CACNA2D3: variants seen among roughly 807,000 people sequenced by gnomAD.
CACNA2D3 encodes the protein calcium voltage-gated channel auxiliary subunit alpha2delta 3, also known as voltage-dependent calcium channel subunit alpha-2/delta-3.
Under a neutral mutation model 160.6 loss-of-function variants are expected in CACNA2D3, and 60 were observed. The ratio of observed to expected loss-of-function variants is 0.37; its 90% confidence interval spans 0.30 to 0.46. The LOEUF (loss-of-function observed/expected upper bound fraction) is 0.46. CACNA2D3 is among the 20% of genes least tolerant of loss of function. The pLI is 1.00. For synonymous variants in CACNA2D3, 558 were observed against 492.9 expected, an observed-to-expected ratio of 1.13 and a Z score of -1.75; for missense variants, 1,205 against 1,365.0, an observed-to-expected ratio of 0.88 and a Z score of 1.85.
At chr3:54,612,193 G>C (rs957982995) in intron 9 of CACNA2D3, among the ~76,000 whole-genome samples, 1 of 152,170 alleles carries the variant, frequency 6.6e-6, no homozygotes, top group African/African-American at 2.4e-5. Context: ...AATAAGGTGG[G>C]TTCCATAAAG....
intron 35 of CACNA2D3, among the ~76,000 whole-genome samples, chr3:55,042,806 C>T (rs1440797082): frequency 6.6e-6 from 1 of 152,102 alleles, no homozygotes; most frequent in Non-Finnish European, 1.5e-5. Context: ...TCCATTCCCC[C>T]AACCACAGCT....
chr3:54,516,075 G>C (rs1163882412), intron 5 of CACNA2D3, among the ~76,000 whole-genome samples: 1 of 152,198 alleles, frequency 6.6e-6, no homozygotes, highest in Non-Finnish European at 1.5e-5. Flanking sequence ...GTGTCATTGG[G>C]GGTTTGGGCC....
chr3:54,911,371 T>TTTTTTTTTTTTG (rs1700552558), intron 27 of CACNA2D3, among the ~76,000 whole-genome samples: 1 of 143,796 alleles, frequency 7.0e-6, no homozygotes, highest in Non-Finnish European at 1.5e-5. Context: ...TTTTTTTTTT[T>TTTTTTTTTTTTG]TTAAAGAGAT....
intron 4 of CACNA2D3, among the ~76,000 whole-genome samples, chr3:54,418,848 G>C (rs1446715790): frequency 6.6e-6 from 1 of 152,086 alleles, no homozygotes; most frequent in Non-Finnish European, 1.5e-5. Context: ...TATTATTGTC[G>C]TTATTATTTT....
intron 13 of CACNA2D3, among the ~76,000 whole-genome samples, chr3:54,786,468 C>T (rs908134933): frequency 1.3e-5 from 2 of 152,154 alleles, no homozygotes; most frequent in African/African-American, 4.8e-5. Flanking sequence ...TGCACTGGCT[C>T]CATGGGCCAG....
At chr3:54,674,919 G>T (rs1700214587) in intron 11 of CACNA2D3, among the ~76,000 whole-genome samples, 1 of 152,096 alleles carries the variant, frequency 6.6e-6, no homozygotes, top group African/African-American at 2.4e-5. Context: ...TGGTGTTAAG[G>T]AGCTCAGAGG....
intron 11 of CACNA2D3, among the ~76,000 whole-genome samples, chr3:54,747,521 G>T (rs1330190900): frequency 1.3e-5 from 2 of 152,124 alleles, no homozygotes; most frequent in Non-Finnish European, 2.9e-5. Context: ...CCTGCAGCCA[G>T]AATGATCCTT....
intron 13 of CACNA2D3, among the ~76,000 whole-genome samples, chr3:54,815,457 A>C (rs530931250): frequency 1.3e-5 from 2 of 152,346 alleles, no homozygotes; most frequent in South Asian, 4.1e-4. Context: ...AAGAGAAAGC[A>C]TTCTTCCCAG....
At chr3:54,878,422 C>T (rs767254625) in intron 18 of CACNA2D3, among the ~76,000 whole-genome samples, 1 of 152,100 alleles carries the variant, frequency 6.6e-6, no homozygotes, top group Non-Finnish European at 1.5e-5. Context: ...GCTCGCTGCT[C>T]CTAAACAGGA....
chr3:54,212,207 T>A (rs1447737687), intron 2 of CACNA2D3, among the ~76,000 whole-genome samples: 1 of 152,202 alleles, frequency 6.6e-6, no homozygotes, highest in African/African-American at 2.4e-5. Flanking sequence ...TGATGACATA[T>A]GCCCAAGGTG....
chr3:54,611,922 C>T (rs1363140805), intron 9 of CACNA2D3, among the ~76,000 whole-genome samples: 1 of 152,210 alleles, frequency 6.6e-6, no homozygotes, highest in Non-Finnish European at 1.5e-5. Flanking sequence ...CGAAAAGGAT[C>T]ATGCATCATA....
intron 2 of CACNA2D3, among the ~76,000 whole-genome samples, chr3:54,239,490 A>G (rs144169120): frequency 4.4e-4 from 67 of 152,376 alleles, no homozygotes; most frequent in African/African-American, 1.5e-3. Flanking sequence ...CAAGATTTTC[A>G]GTAGCTGCAT....
intron 2 of CACNA2D3, among the ~76,000 whole-genome samples, chr3:54,206,581 G>A (rs547438434): frequency 6.6e-6 from 1 of 152,240 alleles, no homozygotes; most frequent in African/African-American, 2.4e-5. Flanking sequence ...ACCTTGAGAG[G>A]GTGAGGCTAA....
intron 11 of CACNA2D3, among the ~76,000 whole-genome samples, chr3:54,659,178 CAAGG>C (rs987385977): frequency 2.0e-5 from 3 of 152,126 alleles, no homozygotes; most frequent in African/African-American, 7.2e-5. Context: ...ATAAATAACA[CAAGG>C]AAGTAAATTT....
At chr3:54,388,775 G>A (rs1297358011) in intron 4 of CACNA2D3, among the ~76,000 whole-genome samples, 1 of 152,176 alleles carries the variant, frequency 6.6e-6, no homozygotes, top group Admixed American at 6.5e-5. Context: ...GGGCCAGAAG[G>A]GATTTAATGG....
At chr3:54,836,197 G>A (rs901166422) in intron 14 of CACNA2D3, among the ~76,000 whole-genome samples, 3 of 145,578 alleles carry the variant, frequency 2.1e-5, no homozygotes, top group Non-Finnish European at 4.5e-5. Context: ...ATCACATGCT[G>A]TATTTCAAGG....
At chr3:54,580,997 A>T (rs934606394) in intron 8 of CACNA2D3, among the ~76,000 whole-genome samples, 3 of 152,192 alleles carry the variant, frequency 2.0e-5, no homozygotes, top group Non-Finnish European at 4.4e-5. Context: ...ATGAGTAAAG[A>T]TGCTAGAGTG....
intron 9 of CACNA2D3, among the ~76,000 whole-genome samples, chr3:54,602,812 T>G (rs1703088446): frequency 6.6e-6 from 1 of 152,144 alleles, no homozygotes; most frequent in Non-Finnish European, 1.5e-5. Flanking sequence ...AAACCAGCAT[T>G]CAATTTGTTT....
intron 2 of CACNA2D3, among the ~76,000 whole-genome samples, chr3:54,262,954 C>T (rs142567703): frequency 6.6e-6 from 1 of 152,232 alleles, no homozygotes; most frequent in East Asian, 1.9e-4. Context: ...TAGAACATTA[C>T]AGATCAGGAT....
Sources: gnomAD v4.1 joint callset for allele counts (sites outside exome capture counted in the v4.1 genomes callset) on GRCh38, gnomAD v4.1.1 for gene constraint, MANE v1.5 for transcripts, NCBI Gene and HGNC (gene_info 2026-07-23, HGNC 2026-07-21) for gene names.